The following NEGR1 variants were observed in gnomAD, a reference collection of about 807,000 sequenced individuals.
NEGR1 encodes IgLON family member 4.
A neutral mutation model predicts 40.9 loss-of-function variants in NEGR1; 10 were observed. That is an observed-to-expected ratio of 0.24 (90% CI 0.15 to 0.42). The LOEUF (loss-of-function observed/expected upper bound fraction) is 0.42. Ranked by LOEUF, NEGR1 falls within the 10% of genes least tolerant of loss-of-function variation. NEGR1 has a pLI of 1.00. For missense variants in NEGR1, 352 were observed against 438.9 expected (o/e 0.80, Z 1.77); for synonymous variants, 185 against 166.8 (o/e 1.11, Z -0.84).
At chr1:71,590,371 C>G (rs1649459091) in intron 6 of NEGR1, among the ~76,000 whole-genome samples, 1 of 152,080 alleles carries the variant, frequency 6.6e-6, no homozygotes, top group Admixed American at 6.6e-5. Context: ...AGTAAGAGCA[C>G]CTTCTCTGCC....
At chr1:71,594,777 T>G (rs2101523911) in intron 5 of NEGR1, among the ~76,000 whole-genome samples, 1 of 152,360 alleles carries the variant, frequency 6.6e-6, no homozygotes, top group African/African-American at 2.4e-5. Flanking sequence ...GTATATATGC[T>G]GTGTAAAAAA....
At chr1:71,810,277 T>C (rs1365253434) in intron 2 of NEGR1, among the ~76,000 whole-genome samples, 1 of 152,088 alleles carries the variant, frequency 6.6e-6, no homozygotes, top group Non-Finnish European at 1.5e-5. Flanking sequence ...AAGTGTCTAA[T>C]TATACAGTAA....
intron 3 of NEGR1, among the ~76,000 whole-genome samples, chr1:71,743,581 G>C (rs1188585179): frequency 6.6e-6 from 1 of 151,952 alleles, no homozygotes; most frequent in Non-Finnish European, 1.5e-5. Context: ...ACTGAAAATG[G>C]AACCTTATTT....
At chr1:72,117,404 A>G (rs898113325) in intron 1 of NEGR1, among the ~76,000 whole-genome samples, 3 of 151,800 alleles carry the variant, frequency 2.0e-5, no homozygotes, top group Non-Finnish European at 4.4e-5. Context: ...ACAGCAGTGA[A>G]TTGTCTGTTT....
chr1:71,979,809 A>G (rs1277202854), intron 1 of NEGR1, among the ~76,000 whole-genome samples: 1 of 152,094 alleles, frequency 6.6e-6, no homozygotes, highest in African/African-American at 2.4e-5. Context: ...TAACTTAGAA[A>G]GTGGGAATGA....
rs564122353 is a variant in NEGR1 at position 71,564,103 on chromosome 1, G to T, written c.940+28714C>A. 1.5e-4 allele frequency among the ~76,000 whole-genome samples: 23 copies of T among 152,140 alleles called. No homozygotes were observed. In the East Asian group the frequency reaches 1.9e-3, roughly 13 times the overall value. ...GCAACGCAAAGCTTTGGCATTACCT[G>T]CGAGACTGTTAGAAATGCAGACTCT... On this transcript the variant is annotated intron_variant, in intron 6 of 6. Transcript: ENST00000357731.
chr1:71,771,722 A>AAAAAAAAAAG (rs1656333440), intron 3 of NEGR1, among the ~76,000 whole-genome samples: 7 of 148,272 alleles, frequency 4.7e-5, no homozygotes, highest in Non-Finnish European at 7.5e-5. Flanking sequence ...AAAAAAAAAA[A>AAAAAAAAAAG]GGTGTGAATC....
intron 1 of NEGR1, among the ~76,000 whole-genome samples, chr1:72,050,290 C>T (rs1344619580): frequency 2.6e-5 from 4 of 151,342 alleles, no homozygotes; most frequent in African/African-American, 4.8e-5. Flanking sequence ...TATTGAAAGG[C>T]ATTTATATAA....
At chr1:71,481,269 C>T (rs1007812051) in intron 6 of NEGR1, among the ~76,000 whole-genome samples, 1 of 151,718 alleles carries the variant, frequency 6.6e-6, no homozygotes, top group Non-Finnish European at 1.5e-5. Context: ...TTGGTGCTCA[C>T]CTATTTGAAG....
At chr1:71,458,427 A>G (rs1485838091) in intron 6 of NEGR1, among the ~76,000 whole-genome samples, 1 of 152,236 alleles carries the variant, frequency 6.6e-6, no homozygotes. Flanking sequence ...TGCAGATTTA[A>G]CAGTAACCTA....
At chr1:71,965,917 C>A (rs1294949739) in intron 1 of NEGR1, among the ~76,000 whole-genome samples, 1 of 152,206 alleles carries the variant, frequency 6.6e-6, no homozygotes, top group East Asian at 1.9e-4. Context: ...ATAACTGCAT[C>A]AATATTTTCC....
At chr1:72,055,804 A>G (rs1647104862) in intron 1 of NEGR1, among the ~76,000 whole-genome samples, 1 of 146,974 alleles carries the variant, frequency 6.8e-6, no homozygotes, top group Admixed American at 6.9e-5. Context: ...TATATTATAT[A>G]TATATATAAT....
chr1:72,231,104 G>A (rs1344059579), intron 1 of NEGR1, among the ~76,000 whole-genome samples: 4 of 152,140 alleles, frequency 2.6e-5, no homozygotes, highest in African/African-American at 7.2e-5. Context: ...GGCTAGAGAA[G>A]CAACATGAGA....
chr1:72,035,876 C>T (rs1646897395), intron 1 of NEGR1, among the ~76,000 whole-genome samples: 1 of 152,090 alleles, frequency 6.6e-6, no homozygotes, highest in African/African-American at 2.4e-5. Flanking sequence ...TCACATGGCT[C>T]TTGAGAAGGT....
intron 2 of NEGR1, among the ~76,000 whole-genome samples, chr1:71,910,240 A>G (rs1353617725): frequency 6.6e-6 from 1 of 152,216 alleles, no homozygotes; most frequent in Non-Finnish European, 1.5e-5. Flanking sequence ...TAAACTGATA[A>G]GGGACTTAGA....
rs919349106 is a variant in NEGR1, at chr1:71,706,378, C to T, written c.536-8239G>A. Among the ~76,000 whole-genome samples the T allele has an allele frequency of 2.0e-5, 3 of 152,138 alleles. No homozygotes were observed. The South Asian group carries it at 6.2e-4, about 32-fold the overall frequency. On this transcript the variant is annotated intron_variant, in intron 3 of 6. Coordinates refer to ENST00000357731, the MANE Select transcript of NEGR1 (RefSeq NM_173808.3). ...GACTAAGGGCCAAAATGCTTTCAGT[C>T]TCTAAATAAACTTGAAAGGCAGTGT... is the stretch of plus-strand genomic sequence containing the variant.
intron 2 of NEGR1, among the ~76,000 whole-genome samples, chr1:71,931,172 T>A (rs1022855933): frequency 1.3e-5 from 2 of 152,176 alleles, no homozygotes; most frequent in African/African-American, 4.8e-5. Flanking sequence ...GTTAAATACC[T>A]TTGAGAAGTT....
chr1:71,950,683 C>T (rs1341438169), intron 1 of NEGR1, among the ~76,000 whole-genome samples: 1 of 151,916 alleles, frequency 6.6e-6, no homozygotes, highest in Non-Finnish European at 1.5e-5. Context: ...CACAAACTGC[C>T]TTGTAAAAGC....
At chr1:71,726,086 G>T (rs187803095) in intron 3 of NEGR1, among the ~76,000 whole-genome samples, 4 of 152,254 alleles carry the variant, frequency 2.6e-5, no homozygotes, top group African/African-American at 9.6e-5. Flanking sequence ...AGTTATTGGA[G>T]TTAGTATTTA....
Sources: gnomAD v4.1 joint callset for allele counts (sites outside exome capture counted in the v4.1 genomes callset) on GRCh38, gnomAD v4.1.1 for gene constraint, MANE v1.5 for transcripts, NCBI Gene and HGNC (gene_info 2026-07-23, HGNC 2026-07-21) for gene names.